CNTNAP2: variants seen among roughly 807,000 people sequenced by gnomAD.
CNTNAP2 encodes the protein contactin-associated protein-like 2.
A neutral mutation model predicts 155.2 loss-of-function variants in CNTNAP2; 98 were observed. That is an observed-to-expected ratio of 0.63 (90% CI 0.54 to 0.75). The LOEUF (loss-of-function observed/expected upper bound fraction) is 0.75. Ranked by LOEUF, CNTNAP2 falls within the 30% of genes least tolerant of loss-of-function variation. The pLI is 0.00. For synonymous variants in CNTNAP2, 651 were observed against 631.2 expected (o/e 1.03, Z -0.47); for missense variants, 1,727 against 1,688.1 (o/e 1.02, Z -0.40).
intron 1 of CNTNAP2, among the ~76,000 whole-genome samples, chr7:146,507,700 C>T (rs954394906): frequency 2.6e-5 from 4 of 152,186 alleles, no homozygotes; most frequent in South Asian, 2.1e-4. Flanking sequence ...TTTTCATTCA[C>T]AGCCAAACTG....
At chr7:148,171,941 G>A (rs563895961) in intron 17 of CNTNAP2, among the ~76,000 whole-genome samples, 3 of 152,254 alleles carry the variant, frequency 2.0e-5, no homozygotes, top group East Asian at 1.9e-4. Flanking sequence ...TTCTGTAAAC[G>A]CTTTTTCTAT....
chr7:148,147,516 T>A lies in CNTNAP2; in HGVS notation c.2580T>A (p.Phe860Leu), dbSNP rs1563214671. 2.5e-6 allele frequency: 4 copies of A among 1,614,110 alleles called. No individual in the cohort carries two copies. Among genetic ancestry groups the A allele is most frequent in the Non-Finnish European group, 3.4e-6 (4 of 1,180,018 alleles). The change falls in exon 17 of 24, where the codon TTT becomes TTA. Residue 860 changes from phenylalanine to leucine, a missense_variant. Coordinates refer to ENST00000361727, the MANE Select transcript of CNTNAP2 (RefSeq NM_014141.6). ...LKSATEVSFS[F>L]DVGNGPVEIV... is the part of the protein sequence containing the mutation. ...CTGCCACAGAAGTGTCCTTTTCATTTGATGTGGGAAATGGGCCAGTAGAGA... is the reference window on the plus strand; with the variant it reads ...CTGCCACAGAAGTGTCCTTTTCATTAGATGTGGGAAATGGGCCAGTAGAGA...
At chr7:147,994,099 T>C (rs1563160785) in intron 15 of CNTNAP2, among the ~76,000 whole-genome samples, 2 of 152,122 alleles carry the variant, frequency 1.3e-5, no homozygotes, top group African/African-American at 2.4e-5. Context: ...GCTGGGTGCA[T>C]TGGCTCACAC....
At chr7:148,016,124 T>C (rs946826290) in intron 15 of CNTNAP2, among the ~76,000 whole-genome samples, 2 of 152,206 alleles carry the variant, frequency 1.3e-5, no homozygotes, top group African/African-American at 2.4e-5. Flanking sequence ...GCCCTGGCAA[T>C]TCGGGCACCA....
intron 4 of CNTNAP2, among the ~76,000 whole-genome samples, chr7:147,105,053 G>T (rs2129278756): frequency 1.3e-5 from 2 of 150,796 alleles, no homozygotes; most frequent in Admixed American, 1.3e-4. Flanking sequence ...CTATATTTCT[G>T]TATTGCTTAA....
At chr7:146,645,505 G>A (rs368537278) in intron 1 of CNTNAP2, among the ~76,000 whole-genome samples, 6 of 152,144 alleles carry the variant, frequency 3.9e-5, no homozygotes, top group Admixed American at 1.3e-4. Context: ...CGAAAAATGA[G>A]ATCAGGGAAC....
chr7:146,437,696 A>T (rs374975679), intron 1 of CNTNAP2, among the ~76,000 whole-genome samples: 10 of 151,770 alleles, frequency 6.6e-5, no homozygotes, highest in African/African-American at 2.4e-4. Context: ...ATGAACTTTA[A>T]AATTTCTCCT....
chr7:148,260,475 A>G (rs1227377913), intron 20 of CNTNAP2, among the ~76,000 whole-genome samples: 3 of 152,198 alleles, frequency 2.0e-5, no homozygotes, highest in Non-Finnish European at 4.4e-5. Flanking sequence ...TTTTCCTACT[A>G]TTGAATCCCA....
chr7:147,998,095 T>C (rs1801837461), intron 15 of CNTNAP2, among the ~76,000 whole-genome samples: 1 of 143,772 alleles, frequency 7.0e-6, no homozygotes, highest in South Asian at 2.2e-4. Flanking sequence ...CATGGTCATT[T>C]CTTTTTTCTT....
intron 8 of CNTNAP2, among the ~76,000 whole-genome samples, chr7:147,140,190 C>G (rs1399703592): frequency 3.9e-5 from 6 of 152,076 alleles, no homozygotes; most frequent in Non-Finnish European, 7.4e-5. Flanking sequence ...GATGACCTGC[C>G]TAGATGTCTG....
intron 1 of CNTNAP2, among the ~76,000 whole-genome samples, chr7:146,412,377 C>A: frequency 6.6e-6 from 1 of 152,260 alleles, no homozygotes; most frequent in East Asian, 1.9e-4. Flanking sequence ...CTTTGTTATT[C>A]TTCTTATTAA....
At chr7:148,260,205 G>A (rs1796533777) in intron 20 of CNTNAP2, among the ~76,000 whole-genome samples, 1 of 152,106 alleles carries the variant, frequency 6.6e-6, no homozygotes, top group Admixed American at 6.6e-5. Flanking sequence ...TCTTTTAAAT[G>A]TAAATATTTA....
chr7:147,031,303 AGATT>A (rs1268569631), intron 3 of CNTNAP2, among the ~76,000 whole-genome samples: 3 of 152,216 alleles, frequency 2.0e-5, no homozygotes, highest in Non-Finnish European at 4.4e-5. Context: ...ATGCTATATT[AGATT>A]ATCATCTGAA....
intron 1 of CNTNAP2, among the ~76,000 whole-genome samples, chr7:146,525,905 T>A (rs1156910628): frequency 1.3e-5 from 2 of 152,142 alleles, no homozygotes; most frequent in African/African-American, 4.8e-5. Context: ...CCAGTCCCCA[T>A]GCTGTATCTG....
At chr7:146,990,556 T>C (rs1304611233) in intron 3 of CNTNAP2, among the ~76,000 whole-genome samples, 1 of 152,156 alleles carries the variant, frequency 6.6e-6, no homozygotes. Context: ...TGGCTGATTT[T>C]TTTTTCTCCC....
rs143919192 is a variant in CNTNAP2, at chr7:148,161,933, G to A, written c.2774-10309G>A. The stretch of plus-strand genomic sequence containing the variant: ...TTTCCTCCACCCCTTTGCTTGGATG[G>A]CTGACATACCCATGAGGCTTGGTCA... On this transcript the variant is annotated intron_variant, in intron 17 of 23. Coordinates refer to ENST00000361727, the MANE Select transcript of CNTNAP2 (RefSeq NM_014141.6). 2.1e-3 allele frequency among the ~76,000 whole-genome samples: 313 copies of A among 152,112 alleles called. 1 individual carries two copies. The highest frequency in any genetic ancestry group is 6.9e-3 in the African/African-American group (288 of 41,484).
intron 13 of CNTNAP2, among the ~76,000 whole-genome samples, chr7:147,772,372 G>A (rs570783257): frequency 1.1e-4 from 16 of 143,136 alleles, no homozygotes; most frequent in Non-Finnish European, 1.6e-4. Flanking sequence ...AGCCGAGATC[G>A]TGCCACAGCA....
chr7:148,326,625 C>G (rs542192124), intron 21 of CNTNAP2, among the ~76,000 whole-genome samples: 15 of 151,842 alleles, frequency 9.9e-5, no homozygotes, highest in Admixed American at 1.3e-4. Context: ...CCAGCACTTT[C>G]GGAGGCCAAG....
At chr7:148,360,998 G>T (rs928317946) in intron 21 of CNTNAP2, among the ~76,000 whole-genome samples, 1 of 151,756 alleles carries the variant, frequency 6.6e-6, no homozygotes, top group African/African-American at 2.4e-5. Context: ...TAGTAGAGAC[G>T]GGGTTTCACC....
Sources: allele counts gnomAD v4.1 joint callset (sites outside exome capture counted in the v4.1 genomes callset), GRCh38; gene constraint gnomAD v4.1.1; transcripts MANE v1.5; gene names NCBI Gene and HGNC (gene_info 2026-07-23, HGNC 2026-07-21).